The following TRPM3 variants were observed in gnomAD, a reference collection of about 807,000 sequenced individuals.
The protein encoded by TRPM3 is long transient receptor potential channel 3.
TRPM3 carries 77 observed loss-of-function variants against 181.2 expected under a neutral mutation model. That is an observed-to-expected ratio of 0.42 (90% CI 0.35 to 0.51). The LOEUF is 0.51. Ranked by LOEUF, TRPM3 falls within the 20% of genes least tolerant of loss-of-function variation. The pLI is 0.01. For synonymous variants in TRPM3, 745 were observed against 796.4 expected, an observed-to-expected ratio of 0.94 and a Z score of 1.09; for missense variants, 1,759 against 2,196.7, an observed-to-expected ratio of 0.80 and a Z score of 3.98.
At chr9:71,131,793 T>C (rs191339023) in intron 1 of TRPM3, among the ~76,000 whole-genome samples, 68 of 152,236 alleles carry the variant, frequency 4.5e-4, no homozygotes, top group African/African-American at 1.5e-3. Flanking sequence ...AACATCTACA[T>C]ACAGAAGAAC....
intron 1 of TRPM3, among the ~76,000 whole-genome samples, chr9:70,992,503 T>G (rs139942786): frequency 6.6e-6 from 1 of 152,202 alleles, no homozygotes; most frequent in Non-Finnish European, 1.5e-5. Flanking sequence ...CCTGTTCCTG[T>G]TCTCTTGAAG....
At chr9:70,757,881 T>C (rs988237614) in intron 8 of TRPM3, among the ~76,000 whole-genome samples, 1 of 152,214 alleles carries the variant, frequency 6.6e-6, no homozygotes, top group Non-Finnish European at 1.5e-5. Flanking sequence ...TCATACTGAA[T>C]GTGCAAAAGC....
intron 22 of TRPM3, among the ~76,000 whole-genome samples, chr9:70,572,472 T>C (rs552168464): frequency 3.3e-4 from 51 of 152,320 alleles, no homozygotes; most frequent in African/African-American, 1.2e-3. Flanking sequence ...CTTTTTCTCT[T>C]CCAGGATCCT....
In TRPM3 at chr9:70,536,811, G is replaced by A. The variant is rs754286439; in HGVS notation, c.4302C>T (p.Asn1434=). The A allele has an allele frequency of 1.2e-6, 2 of 1,614,176 alleles. No individual in the cohort carries two copies. The highest frequency in any genetic ancestry group is 1.7e-6 in the Non-Finnish European group (2 of 1,180,032). ...AGCTTGGCTCGCCCAGCCCAAGGAT[G>A]TTCACGGAATTGTCCAGAGGGTCTA... is the stretch of plus-strand genomic sequence containing the variant. ...CDIDPLDNSV[N]ILGLGEPSFS... The change falls in exon 26 of 26, where the codon AAC becomes AAT. Residue 1434 remains asparagine, a synonymous_variant. Coordinates refer to ENST00000677713, the MANE Select transcript of TRPM3 (RefSeq NM_001366145.2).
chr9:71,276,758 A>G (rs2084245055), intron 1 of TRPM3, among the ~76,000 whole-genome samples: 2 of 152,220 alleles, frequency 1.3e-5, no homozygotes, highest in Non-Finnish European at 2.9e-5. Context: ...AAAGTTGAAC[A>G]TGTACTGGCC....
chr9:71,031,980 AT>A (rs1565021540), intron 1 of TRPM3, among the ~76,000 whole-genome samples: 1 of 60,568 alleles, frequency 1.7e-5, no homozygotes, highest in Non-Finnish European at 3.6e-5. Context: ...TATTATATAT[AT>A]ATATATTATA....
At chr9:71,335,647 T>G (rs1036486684) in intron 1 of TRPM3, among the ~76,000 whole-genome samples, 1 of 152,150 alleles carries the variant, frequency 6.6e-6, no homozygotes, top group East Asian at 1.9e-4. Context: ...ATCAATAAAC[T>G]GAGTTATTTA....
At chr9:71,290,538 T>C (rs1433081833) in intron 1 of TRPM3, among the ~76,000 whole-genome samples, 1 of 151,994 alleles carries the variant, frequency 6.6e-6, no homozygotes, top group Non-Finnish European at 1.5e-5. Flanking sequence ...TAGGAGACTC[T>C]CTAAAGAGCT....
At chr9:70,815,160 G>A (rs1487932768) in intron 6 of TRPM3, among the ~76,000 whole-genome samples, 1 of 151,938 alleles carries the variant, frequency 6.6e-6, no homozygotes, top group Non-Finnish European at 1.5e-5. Flanking sequence ...GTTGTACTAT[G>A]TACAACTTTT....
At chr9:71,420,069 AAAT>A (rs1278180574) in intron 1 of TRPM3, among the ~76,000 whole-genome samples, 1 of 152,012 alleles carries the variant, frequency 6.6e-6, no homozygotes, top group East Asian at 1.9e-4. Flanking sequence ...ACCTCATTTT[AAAT>A]AATATCTTTC....
intron 1 of TRPM3, among the ~76,000 whole-genome samples, chr9:71,173,408 A>C (rs910000256): frequency 6.6e-6 from 1 of 152,236 alleles, no homozygotes; most frequent in Non-Finnish European, 1.5e-5. Flanking sequence ...TGAGTAAAGT[A>C]GAGAGGAACA....
chr9:70,959,542 C>G (rs1363747757), intron 1 of TRPM3, among the ~76,000 whole-genome samples: 1 of 152,000 alleles, frequency 6.6e-6, no homozygotes, highest in Non-Finnish European at 1.5e-5. Flanking sequence ...AAAAGCAATC[C>G]TCTGCCAAGT....
intron 1 of TRPM3, among the ~76,000 whole-genome samples, chr9:71,184,506 T>C (rs980725921): frequency 2.0e-5 from 3 of 152,140 alleles, no homozygotes; most frequent in African/African-American, 7.2e-5. Context: ...GGAAGTGACC[T>C]GGGCTTCTCT....
Position 70,589,735 on chromosome 9 carries a change from T to C in TRPM3, c.3223+1296A>G, listed in dbSNP as rs147031546. ...CTCATGAAACAAGTATTTGTTCCAA[T>C]TAGGTGTTCCAAAAAGTCTTGATTG... On this transcript the variant is annotated intron_variant, in intron 22 of 25. Coordinates refer to ENST00000677713, the MANE Select transcript of TRPM3 (RefSeq NM_001366145.2). Among the ~76,000 whole-genome samples, 10 of 152,316 alleles carry C rather than the reference T, an allele frequency of 6.6e-5. No individual in the cohort carries two copies. The East Asian group carries it at 1.5e-3, about 24-fold the overall frequency.
Position 71,010,829 on chromosome 9 carries a change from A to T in TRPM3, c.177+110349T>A, listed in dbSNP as rs530387493. Reference sequence around the variant, plus strand: ...ATGTCAAAGAGATATCTGCACTCCCATGTTTATTGCAGCACTATTTGCAAT... The same window carrying T: ...ATGTCAAAGAGATATCTGCACTCCCTTGTTTATTGCAGCACTATTTGCAAT... On this transcript the variant is annotated intron_variant, in intron 1 of 25. Transcript: ENST00000677713. Among the ~76,000 whole-genome samples the T allele has an allele frequency of 1.2e-3, 181 of 152,230 alleles. No individual in the cohort carries two copies. In the Middle Eastern group the frequency reaches 0.017, roughly 14 times the overall value.
intron 1 of TRPM3, among the ~76,000 whole-genome samples, chr9:71,412,794 C>T (rs910647117): frequency 6.6e-6 from 1 of 152,178 alleles, no homozygotes; most frequent in South Asian, 2.1e-4. Flanking sequence ...AAGACACATA[C>T]ACACGTATGT....
chr9:70,561,563 C>T (rs1409734278), intron 22 of TRPM3, among the ~76,000 whole-genome samples: 1 of 152,198 alleles, frequency 6.6e-6, no homozygotes, highest in African/African-American at 2.4e-5. Context: ...GAAAACCAGG[C>T]AAGCCCAACT....
intron 19 of TRPM3, among the ~76,000 whole-genome samples, chr9:70,605,102 C>A (rs945743066): frequency 6.6e-6 from 1 of 151,542 alleles, no homozygotes; most frequent in African/African-American, 2.4e-5. Context: ...TTACAGGCAC[C>A]CATTACCACG....
At chr9:70,546,645 T>A (rs1259597377) in intron 25 of TRPM3, among the ~76,000 whole-genome samples, 1 of 147,986 alleles carries the variant, frequency 6.8e-6, no homozygotes, top group Non-Finnish European at 1.5e-5. Flanking sequence ...GAATTGGTTA[T>A]CTTCAGCCAA....
Sources: allele counts gnomAD v4.1 joint callset (sites outside exome capture counted in the v4.1 genomes callset), GRCh38; gene constraint gnomAD v4.1.1; transcripts MANE v1.5; gene names NCBI Gene and HGNC (gene_info 2026-07-23, HGNC 2026-07-21).